BEGAIN: variants seen among roughly 807,000 people sequenced by gnomAD.
BEGAIN encodes the protein brain enriched guanylate kinase associated.
In BEGAIN, 19 loss-of-function variants were observed where a neutral mutation model predicts 35.8. That is an observed-to-expected ratio of 0.53 (90% confidence interval 0.37 to 0.78). BEGAIN has a LOEUF of 0.78. Among genes scored for constraint, BEGAIN ranks in the 30% least tolerant of loss-of-function variants. The pLI, the probability that BEGAIN is intolerant of heterozygous loss-of-function variation, is 0.00. For missense variants in BEGAIN, 795 were observed against 853.6 expected, an observed-to-expected ratio of 0.93 and a Z score of 0.85; for synonymous variants, 462 against 388.6, an observed-to-expected ratio of 1.19 and a Z score of -2.22.
In BEGAIN at chr14:100,558,818, T is replaced by C. The variant is rs527259013; in HGVS notation, c.71+9093A>G. On this transcript the variant is annotated intron_variant, in intron 2 of 6. Coordinates refer to ENST00000554140, the MANE Select transcript of BEGAIN (RefSeq NM_001385089.1). The surrounding 1 kb of genome is among the most constrained non-coding windows in gnomAD (Gnocchi z 4.6). The stretch of plus-strand genomic sequence containing the variant: ...ACTGCCGCACAGCCCCATGGCAGTC[T>C]CAGCTACTCTCATCTGCTCTCAGCC... Among the ~76,000 whole-genome samples the C allele has an allele frequency of 2.8e-4, 42 of 152,272 alleles. No individual in the cohort carries two copies. Among genetic ancestry groups the C allele is most frequent in the Non-Finnish European group, 5.3e-4 (36 of 68,012 alleles).
At chr14:100,578,714 T>C (rs995558032) in intron 1 of BEGAIN, among the ~76,000 whole-genome samples, 6 of 152,194 alleles carry the variant, frequency 3.9e-5, no homozygotes, top group Non-Finnish European at 7.3e-5. Flanking sequence ...GCTGGAGCTG[T>C]GGCAGCCATT....
intron 1 of BEGAIN, among the ~76,000 whole-genome samples, chr14:100,574,177 C>T (rs2035152739): frequency 6.6e-6 from 1 of 152,240 alleles, no homozygotes; most frequent in African/African-American, 2.4e-5. Flanking sequence ...CGCGGGCTTT[C>T]CTGGCCTTAT....
At chr14:100,556,578 C>T (rs558714710) in intron 2 of BEGAIN, among the ~76,000 whole-genome samples, 2 of 152,298 alleles carry the variant, frequency 1.3e-5, no homozygotes, top group South Asian at 2.1e-4. Flanking sequence ...GGAAGGGCTC[C>T]CTGACATCCC....
Position 100,563,570 on chromosome 14 carries a change from A to G in BEGAIN, c.71+4341T>C, listed in dbSNP as rs2034454389. Among the ~76,000 whole-genome samples the G allele has an allele frequency of 6.6e-6, 1 of 152,218 alleles. No individual in the cohort carries two copies. Among genetic ancestry groups the G allele is most frequent in the Non-Finnish European group, 1.5e-5 (1 of 68,044 alleles). ...TGCGCACGGCCTTCGCCGGTGAGGA[A>G]ACCCAGCGGGCAGCAAACCAGGGCA... On this transcript the variant is annotated intron_variant, in intron 2 of 6. Coordinates refer to ENST00000554140, the MANE Select transcript of BEGAIN (RefSeq NM_001385089.1). The surrounding 1 kb of genome is among the most constrained non-coding windows in gnomAD (Gnocchi z 4.2).
rs2035445531 is a variant in BEGAIN, at chr14:100,586,391, C to G, written c.42+858G>C. Among the ~76,000 whole-genome samples the G allele has an allele frequency of 6.6e-6, 1 of 152,204 alleles. No homozygotes were observed. ...ATGCGGACTTTGCACGTGCAGTGCT[C>G]CCTATCCATCCGGCCCCGCTCCCGG... On this transcript the variant is annotated intron_variant, in intron 1 of 6. Coordinates refer to ENST00000554140, the MANE Select transcript of BEGAIN (RefSeq NM_001385089.1). The surrounding 1 kb of genome is among the most constrained non-coding windows in gnomAD (Gnocchi z 4.9).
chr14:100,541,403 C>CT (rs2031587482), intron 5 of BEGAIN, among the ~76,000 whole-genome samples: 1 of 152,206 alleles, frequency 6.6e-6, no homozygotes. Context: ...AGGCATCCTG[C>CT]TGTCCAGGCA....
intron 2 of BEGAIN, among the ~76,000 whole-genome samples, chr14:100,552,576 T>G (rs758432259): frequency 5.9e-5 from 9 of 152,182 alleles, no homozygotes; most frequent in African/African-American, 1.4e-4. Flanking sequence ...CAGGGGCATG[T>G]TGCTGAGAGC....
chr14:100,538,964 TGGA>T lies in BEGAIN; in HGVS notation c.841_843del (p.Ser281del), dbSNP rs1224350896. ...TCCTCCTCCTCGGCCGCGCTGTCAG[TGGA>T]GTTCTGGGCCCGCAGGAAGCCCACG... On this transcript the variant is annotated inframe_deletion, in exon 7 of 7. Transcript: ENST00000554140. 6.2e-7 allele frequency: 1 copy of T among 1,609,752 alleles called. No individual in the cohort carries two copies. Among genetic ancestry groups the T allele is most frequent in the Non-Finnish European group, 8.5e-7 (1 of 1,178,514 alleles).
At chr14:100,579,006 G>A (rs1262155111) in intron 1 of BEGAIN, among the ~76,000 whole-genome samples, 5 of 152,038 alleles carry the variant, frequency 3.3e-5, no homozygotes, top group Admixed American at 6.6e-5. Context: ...GACTACAGGC[G>A]CCTGCTACCA....
At chr14:100,566,644 C>A (rs991420016) in intron 2 of BEGAIN, among the ~76,000 whole-genome samples, 3 of 152,168 alleles carry the variant, frequency 2.0e-5, no homozygotes, top group Non-Finnish European at 4.4e-5. Context: ...CCAGGGCTGT[C>A]GCTCTTTGGG....
Position 100,558,147 on chromosome 14 carries a change from C to T in BEGAIN, c.71+9764G>A, listed in dbSNP as rs2033921872. On this transcript the variant is annotated intron_variant, in intron 2 of 6. Coordinates refer to ENST00000554140, the MANE Select transcript of BEGAIN (RefSeq NM_001385089.1). The surrounding 1 kb of genome is among the most constrained non-coding windows in gnomAD (Gnocchi z 4.6). Reference sequence around the variant, plus strand: ...GTTGCTCTTCCCATATTGAGAACAACCCTCTCTTCACCCTCCAGGTACAGT... The same window carrying T: ...GTTGCTCTTCCCATATTGAGAACAATCCTCTCTTCACCCTCCAGGTACAGT... Among the ~76,000 whole-genome samples the T allele has an allele frequency of 6.6e-6, 1 of 152,068 alleles. No individual in the cohort carries two copies. The highest frequency in any genetic ancestry group is 2.4e-5 in the African/African-American group (1 of 41,392).
chr14:100,581,406 C>G (rs1385237799), intron 1 of BEGAIN, among the ~76,000 whole-genome samples: 1 of 152,112 alleles, frequency 6.6e-6, no homozygotes, highest in African/African-American at 2.4e-5. Context: ...ACCGTGGGCT[C>G]ACGGCCTGGA....
chr14:100,576,404 C>T (rs2035203804), intron 1 of BEGAIN, among the ~76,000 whole-genome samples: 1 of 152,192 alleles, frequency 6.6e-6, no homozygotes. Flanking sequence ...CCTGGGGTTG[C>T]GCCCAAGCTG....
intron 2 of BEGAIN, among the ~76,000 whole-genome samples, chr14:100,560,376 G>C (rs1191886684): frequency 7.9e-5 from 12 of 152,298 alleles, no homozygotes; most frequent in Non-Finnish European, 1.0e-4. Flanking sequence ...ACCTGCCCCT[G>C]CCTCTCTTTT....
chr14:100,539,924 A>G (rs558179115), intron 6 of BEGAIN, among the ~76,000 whole-genome samples: 1 of 151,864 alleles, frequency 6.6e-6, no homozygotes, highest in Admixed American at 6.5e-5. Flanking sequence ...AAAGGAACGC[A>G]CAGGCCTGGC....
intron 2 of BEGAIN, among the ~76,000 whole-genome samples, chr14:100,557,370 G>GGC (rs2033844359): frequency 6.6e-6 from 1 of 152,248 alleles, no homozygotes; most frequent in Non-Finnish European, 1.5e-5. Context: ...CCGCCATGGC[G>GGC]GCGGCTGCCC....
intron 4 of BEGAIN, 31 bp from the exon 5 acceptor site, chr14:100,543,996 C>A (rs750563765): frequency 3.2e-6 from 5 of 1,550,540 alleles, no homozygotes; most frequent in Non-Finnish European, 8.8e-7. Context: ...GGAGGAGGCC[C>A]GTGGTTGGCT....
Position 100,563,855 on chromosome 14 carries a change from C to T in BEGAIN, c.71+4056G>A, listed in dbSNP as rs145127410. Reference sequence around the variant, plus strand: ...CCATGACAACAGCAACTGGTAGCTCCACCTACCACCACAAGGGACCCTCAC... The same window carrying T: ...CCATGACAACAGCAACTGGTAGCTCTACCTACCACCACAAGGGACCCTCAC... On this transcript the variant is annotated intron_variant, in intron 2 of 6. Coordinates refer to ENST00000554140, the MANE Select transcript of BEGAIN (RefSeq NM_001385089.1). The surrounding 1 kb of genome is among the most constrained non-coding windows in gnomAD (Gnocchi z 4.2). Among the ~76,000 whole-genome samples, 1,223 of 152,286 alleles carry T rather than the reference C, an allele frequency of 8.0e-3. 17 individuals carry two copies. Among genetic ancestry groups the T allele is most frequent in the African/African-American group, 0.028 (1,149 of 41,542 alleles).
chr14:100,565,043 A>T (rs900081640), intron 2 of BEGAIN, among the ~76,000 whole-genome samples: 9 of 152,112 alleles, frequency 5.9e-5, no homozygotes, highest in African/African-American at 1.9e-4. Context: ...ACAACCTGGG[A>T]CCCCAGAGCA....
Sources: allele counts gnomAD v4.1 joint callset (sites outside exome capture counted in the v4.1 genomes callset), GRCh38; gene constraint gnomAD v4.1.1; non-coding constraint Gnocchi (gnomAD v3.1); transcripts MANE v1.5; gene names NCBI Gene and HGNC (gene_info 2026-07-23, HGNC 2026-07-21).